Variants in AACS observed in about 807,000 individuals in gnomAD.
AACS encodes acetoacetate-CoA ligase.
Under a neutral mutation model 83.1 loss-of-function variants are expected in AACS, and 69 were observed. The ratio of observed to expected loss-of-function variants is 0.83; its 90% confidence interval spans 0.68 to 1.01. AACS has a LOEUF of 1.01. AACS is among the 50% of genes least tolerant of loss of function. The pLI is 0.00. For synonymous variants in AACS, 333 were observed against 343.4 expected (o/e 0.97, Z 0.33); for missense variants, 866 against 882.2 (o/e 0.98, Z 0.23).
intron 10 of AACS, chr12:125,121,320 C>G (rs1957149732): frequency 6.6e-6 from 1 of 152,442 alleles, no homozygotes; most frequent in East Asian, 1.9e-4. Context: ...CAGCTCAGTT[C>G]TGTCCACCTC....
At chr12:125,078,850 C>T (rs922335935) in intron 3 of AACS, among the ~76,000 whole-genome samples, 20 of 146,976 alleles carry the variant, frequency 1.4e-4, no homozygotes, top group Non-Finnish European at 2.4e-4. Flanking sequence ...AAAAAAGCCT[C>T]CTCTGCAAGG....
chr12:125,132,540 G>C (rs890392141), intron 14 of AACS, among the ~76,000 whole-genome samples: 2 of 152,050 alleles, frequency 1.3e-5, no homozygotes, highest in Non-Finnish European at 2.9e-5. Flanking sequence ...GCGTGCTCCT[G>C]CAGAAGCTAG....
chr12:125,087,447 T>C (rs1468636035), intron 4 of AACS, among the ~76,000 whole-genome samples: 1 of 152,218 alleles, frequency 6.6e-6, no homozygotes, highest in Admixed American at 6.5e-5. Flanking sequence ...TGTTAGTTAA[T>C]TGAGATGCAG....
At chr12:125,132,002 C>T (rs904664047) in intron 14 of AACS, among the ~76,000 whole-genome samples, 3 of 152,226 alleles carry the variant, frequency 2.0e-5, no homozygotes, top group Non-Finnish European at 2.9e-5. Flanking sequence ...GGTCTGCTAT[C>T]GGCAGTCACC....
intron 3 of AACS, among the ~76,000 whole-genome samples, chr12:125,077,338 G>T (rs189932841): frequency 6.6e-6 from 1 of 151,930 alleles, no homozygotes; most frequent in East Asian, 1.9e-4. Context: ...GTGAAACCCC[G>T]TCTCTACTGA....
At chr12:125,073,764 C>T (rs2136036769) in intron 1 of AACS, 112 bp from the exon 2 acceptor site, 2 of 783,864 alleles carry the variant, frequency 2.6e-6, no homozygotes, top group Non-Finnish European at 4.2e-6. Flanking sequence ...CATTTCTCCT[C>T]AGATGAATTT....
rs552482942 is a variant in AACS at position 125,073,482 on chromosome 12, C to T, written c.134-394C>T. On this transcript the variant is annotated intron_variant, in intron 1 of 17. Transcript: ENST00000316519. ...GTTCTAAGCACTTTCTACATGTGCT[C>T]ATTTAAATCCTCACAACAGCCCTGT... 4.6e-5 allele frequency among the ~76,000 whole-genome samples: 7 copies of T among 152,316 alleles called. No homozygotes were observed. In the East Asian group the frequency reaches 1.3e-3, roughly 29 times the overall value.
rs1957517585 is a variant in AACS at position 125,142,577 on chromosome 12, C to CGT, written c.*348_*349insGT. 9.6e-6 allele frequency: 2 copies of CGT among 207,538 alleles called. No homozygotes were observed. The highest frequency in any genetic ancestry group is 1.9e-5 in the Non-Finnish European group (2 of 103,430). 12.9% of individuals were successfully genotyped at this position (207,538 alleles called of 1,614,324 possible). ...AGCCAAGGTCTTGTCTTCAACCTCCCCGTCCCGTTGTCCCATTTTGCTCTG... is the reference window on the plus strand; with the variant it reads ...AGCCAAGGTCTTGTCTTCAACCTCCCGTCGTCCCGTTGTCCCATTTTGCTCTG... On this transcript the variant is annotated 3_prime_UTR_variant, in exon 18 of 18. Transcript: ENST00000316519.
intron 4 of AACS, 97 bp from the exon 5 acceptor site, chr12:125,091,329 T>C: frequency 8.0e-7 from 1 of 1,257,532 alleles, no homozygotes; most frequent in Admixed American, 1.9e-5. Context: ...GCCAGCCCCC[T>C]TCCCACTCTG....
At chr12:125,087,065 G>A (rs1244724747) in intron 4 of AACS, among the ~76,000 whole-genome samples, 1 of 152,130 alleles carries the variant, frequency 6.6e-6, no homozygotes, top group Non-Finnish European at 1.5e-5. Context: ...GAGGGCAGGA[G>A]GTGGGGCAGG....
At chr12:125,078,556 C>T (rs1345854047) in intron 3 of AACS, among the ~76,000 whole-genome samples, 2 of 152,168 alleles carry the variant, frequency 1.3e-5, no homozygotes, top group South Asian at 2.1e-4. Flanking sequence ...TGCAGTGGCT[C>T]ACGCCTGTAA....
chr12:125,081,326 C>G (rs1158144912), intron 3 of AACS, among the ~76,000 whole-genome samples: 6 of 152,224 alleles, frequency 3.9e-5, no homozygotes, highest in Non-Finnish European at 7.3e-5. Flanking sequence ...TTATCCCTTC[C>G]TTATAATTGC....
At chr12:125,116,304 A>C (rs1957051490) in intron 9 of AACS, among the ~76,000 whole-genome samples, 1 of 152,126 alleles carries the variant, frequency 6.6e-6, no homozygotes, top group Non-Finnish European at 1.5e-5. Flanking sequence ...AGGGTCTTGT[A>C]TTGAGAGGAA....
chr12:125,120,469 A>G (rs1424469675), intron 10 of AACS: 2 of 152,168 alleles, frequency 1.3e-5, no homozygotes, highest in Non-Finnish European at 2.9e-5. Context: ...AAATCCTGAC[A>G]TTTGGCTCAC....
rs1026524437 is a variant in AACS, at chr12:125,130,344, C to G, written c.1549+884C>G. 2.0e-5 allele frequency among the ~76,000 whole-genome samples: 3 copies of G among 152,250 alleles called. No homozygotes were observed. The highest frequency in any genetic ancestry group is 4.4e-5 in the Non-Finnish European group (3 of 68,048). Reference sequence around the variant, plus strand: ...GGGTGGCTCAGCCTCCACTGCATACCTGCTGCACCTATGCCCCACCTTGGC... The same window carrying G: ...GGGTGGCTCAGCCTCCACTGCATACGTGCTGCACCTATGCCCCACCTTGGC... On this transcript the variant is annotated intron_variant, in intron 14 of 17. Transcript: ENST00000316519. The surrounding 1 kb of genome is among the most constrained non-coding windows in gnomAD (Gnocchi z 4.9).
chr12:125,072,565 G>C (rs563163650), intron 1 of AACS, among the ~76,000 whole-genome samples: 10 of 152,150 alleles, frequency 6.6e-5, no homozygotes, highest in Non-Finnish European at 8.8e-5. Flanking sequence ...TGGAGCCCTA[G>C]CAAGGCTGTG....
At chr12:125,085,577 G>A (rs764113404) in intron 3 of AACS, among the ~76,000 whole-genome samples, 7 of 152,192 alleles carry the variant, frequency 4.6e-5, no homozygotes, top group African/African-American at 7.2e-5. Context: ...CATGCACGTC[G>A]CATCCACGTC....
chr12:125,132,694 C>CT (rs1024947866), intron 14 of AACS, among the ~76,000 whole-genome samples: 1 of 152,084 alleles, frequency 6.6e-6, no homozygotes, highest in African/African-American at 2.4e-5. Flanking sequence ...CTGCAGTTCT[C>CT]TTTTTTTGCA....
At chr12:125,136,336 C>A in intron 16 of AACS, 1 of 316,894 alleles carries the variant, frequency 3.2e-6, no homozygotes, top group South Asian at 3.4e-5. Flanking sequence ...AGGCGTGAGC[C>A]ACCATGCCCG....
Sources: gnomAD v4.1 joint callset for allele counts (sites outside exome capture counted in the v4.1 genomes callset) on GRCh38, gnomAD v4.1.1 for gene constraint, Gnocchi (gnomAD v3.1) non-coding constraint, MANE v1.5 for transcripts, NCBI Gene and HGNC (gene_info 2026-07-23, HGNC 2026-07-21) for gene names.